Variants in APOB observed in about 807,000 individuals in gnomAD.
The protein encoded by APOB is apolipoprotein B.
Under a neutral mutation model 314.1 loss-of-function variants are expected in APOB, and 153 were observed. The observed-to-expected ratio is 0.49, with a 90% CI of 0.43 to 0.56. The LOEUF (loss-of-function observed/expected upper bound fraction) is 0.56, where lower values mean the gene tolerates loss of function less well. Among genes scored for constraint, APOB ranks in the 20% least tolerant of loss-of-function variants. APOB has a pLI of 0.00. For missense variants in APOB, 5,430 were observed against 5,350.7 expected, an observed-to-expected ratio of 1.01 and a Z score of -0.46; for synonymous variants, 2,087 against 2,036.4, an observed-to-expected ratio of 1.02 and a Z score of -0.67.
Position 21,007,773 on chromosome 2 carries a change from G to T in APOB, c.9095C>A (p.Thr3032Asn), listed in dbSNP as rs754332101. The T allele has an allele frequency of 1.2e-5, 20 of 1,613,904 alleles. No individual in the cohort carries two copies. The highest frequency in any genetic ancestry group is 1.0e-4 in the Admixed American group (6 of 59,978). ...TGAAAAGAAAAGAGAATTTTTCAAA[G>T]TTCCAATAACCTTTCCATTTAAATG... ...DAHLNGKVIG[T>N]LKNSLFFSAQ... Residue 3032 changes from threonine (T) to asparagine (N), a missense_variant, in exon 26 of 29, where the codon ACT (threonine) becomes AAT (asparagine). By Grantham distance (65) the Thr-to-Asn change is moderately conservative. Around this residue, in one of 3 missense-constraint regions of APOB, gnomAD observed 3,281 missense variants for 3,171.0 expected, o/e 1.03. Coordinates refer to ENST00000233242, the MANE Select transcript of APOB (RefSeq NM_000384.3).
In APOB at chr2:21,011,405, C is replaced by T. The variant is rs752980192; in HGVS notation, c.5463G>A (p.Leu1821=). 39 of 1,614,112 alleles carry T rather than the reference C, an allele frequency of 2.4e-5. 1 individual carries two copies. The South Asian group carries it at 4.1e-4, about 17-fold the overall frequency. Reference sequence around the variant, plus strand: ...CTCCTTTTAGGTTACCAGCCACATGCAGCTTCAGGGGTTCTAGCCGTAGTT... The same window carrying T: ...CTCCTTTTAGGTTACCAGCCACATGTAGCTTCAGGGGTTCTAGCCGTAGTT... ...NGKLRLEPLK[L]HVAGNLKGAY... is the part of the protein sequence containing the mutation. The change falls in exon 26 of 29, where the codon CTG becomes CTA. Residue 1821 remains leucine, a synonymous_variant. Coordinates refer to ENST00000233242, the MANE Select transcript of APOB (RefSeq NM_000384.3).
chr2:21,027,306 ATTT>A (rs71391771), intron 14 of APOB, among the ~76,000 whole-genome samples: 12 of 105,866 alleles, frequency 1.1e-4, no homozygotes, highest in Admixed American at 2.3e-4. Flanking sequence ...TTGCATTTCA[ATTT>A]TTTTTTTTTT....
At position 21,008,928 on chromosome 2, in the gene APOB, G is replaced by A. The variant is rs1484872356; in HGVS notation, c.7940C>T (p.Thr2647Ile). ...KNIKIPSRFS[T>I]PEFTILNTFH... ...GGTGTTAAGGATGGTAAATTCTGGT[G>A]TGGAAAACCTGGATGGGATTTTTAT... is the stretch of plus-strand genomic sequence containing the variant. The change falls in exon 26 of 29, where the codon ACA (threonine) becomes ATA (isoleucine). Residue 2647 changes from threonine to isoleucine, a missense_variant. Physicochemically the swap from Thr to Ile is moderately conservative, Grantham distance 89. Transcript: ENST00000233242. 2 of 1,614,086 alleles carry A rather than the reference G, an allele frequency of 1.2e-6. No individual in the cohort carries two copies. Among genetic ancestry groups the A allele is most frequent in the Admixed American group, 1.7e-5 (1 of 60,012 alleles).
rs780454824 is a variant in APOB, at chr2:21,016,459, G to A, written c.3312C>T (p.Val1104=). Residue 1104 remains valine (V), a synonymous_variant, in exon 21 of 29, where the codon GTC becomes GTT. Coordinates refer to ENST00000233242, the MANE Select transcript of APOB (RefSeq NM_000384.3). ...TTTACCTTAGGTGGCCCATGAGGGCGACCTCAGTAATTTTCTTGTTCTGAA... is the reference window on the plus strand; with the variant it reads ...TTTACCTTAGGTGGCCCATGAGGGCAACCTCAGTAATTTTCTTGTTCTGAA... ...LDIQNKKITE[V]ALMGHLSCDT... is the part of the protein sequence containing the mutation. 17 of 1,604,884 alleles carry A rather than the reference G, an allele frequency of 1.1e-5. No individual in the cohort carries two copies. The highest frequency in any genetic ancestry group is 1.7e-4 in the Middle Eastern group (1 of 6,030).
intron 20 of APOB, among the ~76,000 whole-genome samples, 168 bp downstream of exon 20, chr2:21,018,824 T>A (rs1239126613): frequency 6.6e-6 from 1 of 152,200 alleles, no homozygotes; most frequent in Non-Finnish European, 1.5e-5. Flanking sequence ...AGAATAGGCC[T>A]GCCGCTTATT....
rs745924359 is a variant in APOB at position 21,008,860 on chromosome 2, C to G, written c.8008G>C (p.Val2670Leu). The G allele has an allele frequency of 5.6e-6, 9 of 1,614,052 alleles. No individual in the cohort carries two copies. The South Asian group carries it at 9.9e-5, about 18-fold the overall frequency. The stretch of plus-strand genomic sequence containing the variant: ...TGGTCAATGGTTCTGATGATCTTTA[C>G]TTTCATTTCTACAAAGTCAATTGTA... ...SFTIDFVEMK[V>L]KIIRTIDQML... Residue 2670 changes from valine (V) to leucine (L), a missense_variant, in exon 26 of 29, where the codon GTA becomes CTA. Transcript: ENST00000233242.
intron 4 of APOB, among the ~76,000 whole-genome samples, chr2:21,038,360 G>A (rs1288894290): frequency 1.3e-5 from 2 of 148,346 alleles, no homozygotes; most frequent in Non-Finnish European, 3.0e-5. Context: ...TTTTTGAAAT[G>A]GAGTCTCGCT....
rs1196608852 is a variant in APOB at position 21,010,225 on chromosome 2, G to A, written c.6643C>T (p.His2215Tyr). 1 of 1,573,138 alleles carries A rather than the reference G, an allele frequency of 6.4e-7. No individual in the cohort carries two copies. Among genetic ancestry groups the A allele is most frequent in the Admixed American group, 1.8e-5 (1 of 55,104 alleles). The change falls in exon 26 of 29, where the codon CAC becomes TAC. Residue 2215 changes from histidine to tyrosine, a missense_variant. Transcript: ENST00000233242. ...IIEKLKSLDE[H>Y]YHIRVNLVKT... ...ACTAAATTTACACGGATATGATAGT[G>A]CTCATCAAGACTTTTTAATTTTTCA...
At position 21,038,053 on chromosome 2, in the gene APOB, C is replaced by T. The variant is rs757289663; in HGVS notation, c.442G>A (p.Asp148Asn). 1.2e-6 allele frequency: 2 copies of T among 1,614,092 alleles called. No homozygotes were observed. The highest frequency in any genetic ancestry group is 1.7e-6 in the Non-Finnish European group (2 of 1,180,048). Reference sequence around the variant, plus strand: ...ATGTTCAGGATGTAAGTAGGTTCATCTTTCTCCGGGTAAAGGAAAACCTGC... The same window carrying T: ...ATGTTCAGGATGTAAGTAGGTTCATTTTTCTCCGGGTAAAGGAAAACCTGC... ...GKQVFLYPEK[D>N]EPTYILNIKR... Residue 148 changes from aspartate to asparagine, a missense_variant, in exon 5 of 29, where the codon GAT becomes AAT. This residue lies in a region of APOB where 2,085 missense variants were observed against 2,079.7 expected (regional missense o/e 1.00). Coordinates refer to ENST00000233242, the MANE Select transcript of APOB (RefSeq NM_000384.3).
chr2:21,015,951 A>G (rs576178961), intron 21 of APOB, among the ~76,000 whole-genome samples: 1 of 152,336 alleles, frequency 6.6e-6, no homozygotes, highest in South Asian at 2.1e-4. Context: ...TAAGTGCCTG[A>G]TAAATGGTAG....
chr2:21,011,649 T>G lies in APOB; in HGVS notation c.5219A>C (p.Asn1740Thr). Residue 1740 changes from asparagine (N) to threonine (T), a missense_variant, in exon 26 of 29, where the codon AAT becomes ACT. Transcript: ENST00000233242. ...KVSQEGLKLS[N>T]DMMGSYAEMK... Reference sequence around the variant, plus strand: ...TTCAGCATATGAGCCCATCATGTCATTTGAGAGCTTAAGTCCTTCTTGACT... The same window carrying G: ...TTCAGCATATGAGCCCATCATGTCAGTTGAGAGCTTAAGTCCTTCTTGACT... The G allele has an allele frequency of 6.2e-7, 1 of 1,614,200 alleles. No individual in the cohort carries two copies. The highest frequency in any genetic ancestry group is 8.5e-7 in the Non-Finnish European group (1 of 1,180,032).
At position 21,037,967 on chromosome 2, in the gene APOB, C is replaced by A. The variant is rs1558576016; in HGVS notation, c.528G>T (p.Val176=). ...CTTTCTAAATCCTCACCAGAAACAA[C>A]ACTTGCTTGGCTTCTTCTGTCTCTG... ...VPPETEEAKQ[V]LFLDTVYGNC... Residue 176 remains valine, a synonymous_variant, in exon 5 of 29, where the codon GTG becomes GTT. Transcript: ENST00000233242. 2 of 1,614,214 alleles carry A rather than the reference C, an allele frequency of 1.2e-6. No homozygotes were observed. Among genetic ancestry groups the A allele is most frequent in the South Asian group, 2.2e-5 (2 of 91,084 alleles).
At position 21,023,656 on chromosome 2, in the gene APOB, A is replaced by C; in HGVS notation, c.2473T>G (p.Phe825Val). 6.2e-7 allele frequency: 1 copy of C among 1,613,076 alleles called. No homozygotes were observed. Among genetic ancestry groups the C allele is most frequent in the Non-Finnish European group, 8.5e-7 (1 of 1,179,022 alleles). Reference protein sequence around the residue: ...EVIRKGSKNDFFLHYIFMENA... With the variant: ...EVIRKGSKNDVFLHYIFMENA... Reference sequence around the variant, plus strand: ...TCCATGAAGATGTAGTGAAGAAAAAAGTCATTCTTTGAGCCCTTCCTGATG... The same window carrying C: ...TCCATGAAGATGTAGTGAAGAAAAACGTCATTCTTTGAGCCCTTCCTGATG... Residue 825 changes from phenylalanine (F) to valine (V), a missense_variant, in exon 17 of 29, where the codon TTT (phenylalanine) becomes GTT (valine). This residue lies in a region of APOB where 2,085 missense variants were observed against 2,079.7 expected (regional missense o/e 1.00). Transcript: ENST00000233242.
In APOB at chr2:21,039,163, T is replaced by C. The variant is rs146194270; in HGVS notation, c.384-1052A>G. Among the ~76,000 whole-genome samples the C allele has an allele frequency of 4.4e-3, 666 of 152,374 alleles. 3 individuals are homozygous for C. The highest frequency in any genetic ancestry group is 0.015 in the African/African-American group (631 of 41,576). On this transcript the variant is annotated intron_variant, in intron 4 of 28. Coordinates refer to ENST00000233242, the MANE Select transcript of APOB (RefSeq NM_000384.3). ...TCAAAGGGTATTAAGTATTTTAAAT[T>C]ACAGTAGATATTGCCTGATGGCTCT...
rs1422346794 is a variant in APOB, at chr2:21,007,162, C to T, written c.9706G>A (p.Glu3236Lys). 5 of 1,613,804 alleles carry T rather than the reference C, an allele frequency of 3.1e-6. No individual in the cohort carries two copies. The highest frequency in any genetic ancestry group is 4.2e-6 in the Non-Finnish European group (5 of 1,179,932). Residue 3236 changes from glutamate to lysine, a missense_variant, in exon 26 of 29, where the codon GAA becomes AAA. Physicochemically the swap from Glu to Lys is moderately conservative, Grantham distance 56. This residue lies in a region of APOB where 3,281 missense variants were observed against 3,171.0 expected (regional missense o/e 1.03). Coordinates refer to ENST00000233242, the MANE Select transcript of APOB (RefSeq NM_000384.3). ...TKIKFDKYKAEKSHDELPRTF... is the reference protein window; with the variant it reads ...TKIKFDKYKAKKSHDELPRTF... ...CTGGGGAGCTCGTCGTGAGATTTTT[C>T]AGCTTTGTACTTATCAAACTTAATT...
chr2:21,035,091 C>G (rs1413768211), intron 7 of APOB, among the ~76,000 whole-genome samples, 190 bp from the exon 8 acceptor site: 1 of 152,202 alleles, frequency 6.6e-6, no homozygotes, highest in Non-Finnish European at 1.5e-5. Flanking sequence ...ATCCTCCCAT[C>G]AAAAAGACAT....
rs531753839 is a variant in APOB, at chr2:21,027,741, C to T, written c.2067+87G>A. 5.8e-6 allele frequency: 6 copies of T among 1,039,668 alleles called. No individual in the cohort carries two copies. In the African/African-American group the frequency reaches 7.8e-5, roughly 14 times the overall value. The allele number at this position is 1,039,668 out of a possible 1,614,324, so 64.4% of individuals were successfully genotyped here. ...GAAGTGCCTGGTGGTTCTTAGTTTT[C>T]CTCTGGGTAGCTCCTGGCTCCCAGG... On this transcript the variant is annotated intron_variant, in intron 14 of 28. Transcript: ENST00000233242.
At position 21,008,681 on chromosome 2, in the gene APOB, A is replaced by G; in HGVS notation, c.8187T>C (p.Asn2729=). The G allele has an allele frequency of 1.2e-6, 2 of 1,614,094 alleles. No individual in the cohort carries two copies. Among genetic ancestry groups the G allele is most frequent in the Non-Finnish European group, 1.7e-6 (2 of 1,179,960 alleles). The change falls in exon 26 of 29, where the codon AAT becomes AAC. Residue 2729 remains asparagine, a synonymous_variant. Coordinates refer to ENST00000233242, the MANE Select transcript of APOB (RefSeq NM_000384.3). ...PEFIIPTLNL[N]DFQVPDLHIP... ...TGTGAAGGTCAGGAACTTGAAAATC[A>G]TTAAGGTTGAGAGTTGGGATTATGA...
Position 21,005,519 on chromosome 2 carries a change from T to C in APOB, c.11349A>G (p.Leu3783=). 1 of 1,614,068 alleles carries C rather than the reference T, an allele frequency of 6.2e-7. No homozygotes were observed. The highest frequency in any genetic ancestry group is 8.5e-7 in the Non-Finnish European group (1 of 1,179,960). The change falls in exon 26 of 29, where the codon CTA becomes CTG. Residue 3783 remains leucine (L), a synonymous_variant. Coordinates refer to ENST00000233242, the MANE Select transcript of APOB (RefSeq NM_000384.3). ...GGAATTTTACCTCGGGGAGTGTTGGTAGGTTGAGGGCAAATGATGAAGTTC... is the reference window on the plus strand; with the variant it reads ...GGAATTTTACCTCGGGGAGTGTTGGCAGGTTGAGGGCAAATGATGAAGTTC... The part of the protein sequence containing the change: ...KLRTSSFALN[L]PTLPEVKFPE...
Sources: gnomAD v4.1 joint callset for allele counts (sites outside exome capture counted in the v4.1 genomes callset) on GRCh38, gnomAD v4.1.1 for gene constraint, gnomAD v4.1.1 regional missense constraint, MANE v1.5 for transcripts, NCBI Gene and HGNC (gene_info 2026-07-23, HGNC 2026-07-21) for gene names.